KCNMB2: variants seen among roughly 807,000 people sequenced by gnomAD.
KCNMB2 encodes calcium-activated potassium channel subunit beta-2.
Under a neutral mutation model 24.5 loss-of-function variants are expected in KCNMB2, and 9 were observed. The observed-to-expected ratio is 0.37, with a 90% CI of 0.22 to 0.64. The LOEUF (loss-of-function observed/expected upper bound fraction) is 0.64, where lower values mean the gene tolerates loss of function less well. Ranked by LOEUF, KCNMB2 falls within the 30% of genes least tolerant of loss-of-function variation. The probability of loss-of-function intolerance (pLI) is 0.63; values close to 1 mark genes in which losing one functional copy is unlikely to be tolerated. For synonymous variants in KCNMB2, 109 were observed against 104.4 expected (o/e 1.04, Z -0.27); for missense variants, 226 against 284.3 (o/e 0.79, Z 1.47).
chr3:178,707,228 G>A (rs1262180294), intron 1 of KCNMB2, among the ~76,000 whole-genome samples: 1 of 151,924 alleles, frequency 6.6e-6, no homozygotes, highest in Admixed American at 6.6e-5. Flanking sequence ...TGAAACATTG[G>A]GTAAACTAAT....
chr3:178,555,640 T>G (rs774042940), intron 1 of KCNMB2, among the ~76,000 whole-genome samples: 144 of 152,326 alleles, frequency 9.5e-4, no homozygotes, highest in Non-Finnish European at 1.6e-3. Flanking sequence ...TCCACTGTAT[T>G]GCAGTTTGTG....
chr3:178,741,602 G>A (rs1427802964), intron 1 of KCNMB2, among the ~76,000 whole-genome samples: 1 of 152,112 alleles, frequency 6.6e-6, no homozygotes, highest in Admixed American at 6.5e-5. Flanking sequence ...CCTGTAGGCT[G>A]GGGTTAAAAG....
intron 1 of KCNMB2, among the ~76,000 whole-genome samples, chr3:178,600,507 A>G (rs1718040386): frequency 6.6e-6 from 1 of 152,236 alleles, no homozygotes; most frequent in Non-Finnish European, 1.5e-5. Flanking sequence ...AGTAAAAGCT[A>G]TACATTGGAA....
chr3:178,730,192 A>C (rs1365011076), intron 1 of KCNMB2, among the ~76,000 whole-genome samples: 1 of 152,178 alleles, frequency 6.6e-6, no homozygotes, highest in Non-Finnish European at 1.5e-5. Flanking sequence ...CCCTAATAAC[A>C]ATCACATACT....
chr3:178,581,149 G>A (rs935243443), intron 1 of KCNMB2, among the ~76,000 whole-genome samples: 2 of 152,072 alleles, frequency 1.3e-5, no homozygotes, highest in African/African-American at 4.8e-5. Context: ...AAACAGCATG[G>A]TACTGGTACC....
intron 1 of KCNMB2, among the ~76,000 whole-genome samples, chr3:178,545,299 G>A (rs1715739847): frequency 6.6e-6 from 1 of 152,202 alleles, no homozygotes; most frequent in South Asian, 2.1e-4. Flanking sequence ...CACTATGTGT[G>A]TCTGGGAATG....
chr3:178,586,576 C>T (rs1487219624), intron 1 of KCNMB2, among the ~76,000 whole-genome samples: 6 of 104,156 alleles, frequency 5.8e-5, no homozygotes, highest in African/African-American at 2.3e-4. Flanking sequence ...GACAGCGTCT[C>T]GCTCTGTCAC....
intron 1 of KCNMB2, among the ~76,000 whole-genome samples, chr3:178,617,429 G>A (rs1343050382): frequency 6.6e-6 from 1 of 151,852 alleles, no homozygotes; most frequent in Non-Finnish European, 1.5e-5. Context: ...GTGGTGGCAG[G>A]CACCTGTAGT....
chr3:178,688,272 GCTAGT>G (rs1721534243), intron 1 of KCNMB2, among the ~76,000 whole-genome samples: 1 of 152,086 alleles, frequency 6.6e-6, no homozygotes, highest in African/African-American at 2.4e-5. Flanking sequence ...AAAAAATAAA[GCTAGT>G]GATAGCAGTT....
intron 4 of KCNMB2, among the ~76,000 whole-genome samples, chr3:178,841,296 A>G (rs749944868): frequency 6.6e-6 from 1 of 152,134 alleles, no homozygotes; most frequent in Non-Finnish European, 1.5e-5. Context: ...TTTGCTCAAA[A>G]CCATTCAACA....
intron 4 of KCNMB2, among the ~76,000 whole-genome samples, chr3:178,840,962 C>A (rs144584101): frequency 1.4e-4 from 22 of 152,360 alleles, no homozygotes; most frequent in African/African-American, 4.1e-4. Flanking sequence ...CATGGTCAGG[C>A]TGCACATTTT....
At chr3:178,817,348 A>G (rs913423401) in intron 2 of KCNMB2, among the ~76,000 whole-genome samples, 4 of 152,058 alleles carry the variant, frequency 2.6e-5, no homozygotes, top group Non-Finnish European at 5.9e-5. Context: ...ACCATAAAAT[A>G]TATACCTACC....
At chr3:178,655,910 TC>T (rs1301034972) in intron 1 of KCNMB2, among the ~76,000 whole-genome samples, 1 of 152,190 alleles carries the variant, frequency 6.6e-6, no homozygotes, top group Non-Finnish European at 1.5e-5. Flanking sequence ...GAGATCTGTA[TC>T]ACAGTAACTA....
At chr3:178,762,946 T>C (rs1349129269) in intron 1 of KCNMB2, among the ~76,000 whole-genome samples, 2 of 151,724 alleles carry the variant, frequency 1.3e-5, no homozygotes, top group Non-Finnish European at 1.5e-5. Flanking sequence ...ACATAAATAG[T>C]GTCAGGCAGA....
At chr3:178,792,719 G>A (rs1286208185) in intron 1 of KCNMB2, among the ~76,000 whole-genome samples, 1 of 152,118 alleles carries the variant, frequency 6.6e-6, no homozygotes, top group African/African-American at 2.4e-5. Flanking sequence ...ACAAAGGAGT[G>A]GAAAAAGATA....
chr3:178,820,042 T>C (rs1391707078), intron 2 of KCNMB2, among the ~76,000 whole-genome samples: 1 of 152,206 alleles, frequency 6.6e-6, no homozygotes, highest in African/African-American at 2.4e-5. Context: ...AAATACACTT[T>C]ATGATTGAAC....
chr3:178,566,043 T>C lies in KCNMB2; in HGVS notation c.-68+29332T>C, dbSNP rs529016539. On this transcript the variant is annotated intron_variant, in intron 1 of 4. Coordinates refer to ENST00000452583, the MANE Select transcript of KCNMB2 (RefSeq NM_181361.3). ...GGCAGATTCTTACTGGCAAGGGGAA[T>C]ATCATGAGAATAAACTGAAGCACCC... 5.1e-4 allele frequency among the ~76,000 whole-genome samples: 77 copies of C among 152,288 alleles called. 1 individual carries two copies. The highest frequency in any genetic ancestry group is 1.6e-3 in the African/African-American group (67 of 41,560).
At position 178,781,812 on chromosome 3, in the gene KCNMB2, T is replaced by A. The variant is rs538933380; in HGVS notation, c.-67-25531T>A. ...TTTTTTTTCTTTTTTTATTATACTT[T>A]AAGTTTTAGGGTACATGTGCACATA... On this transcript the variant is annotated intron_variant, in intron 1 of 4. Coordinates refer to ENST00000452583, the MANE Select transcript of KCNMB2 (RefSeq NM_181361.3). 2.8e-4 allele frequency among the ~76,000 whole-genome samples: 42 copies of A among 151,558 alleles called. 1 individual carries two copies. Among genetic ancestry groups the A allele is most frequent in the African/African-American group, 1.0e-3 (42 of 41,316 alleles).
intron 1 of KCNMB2, among the ~76,000 whole-genome samples, chr3:178,733,876 T>C (rs1043585319): frequency 3.9e-5 from 6 of 152,160 alleles, no homozygotes; most frequent in Admixed American, 3.3e-4. Flanking sequence ...AAGAACATTG[T>C]AGTAATGCAA....
Sources: allele counts gnomAD v4.1 joint callset (sites outside exome capture counted in the v4.1 genomes callset), GRCh38; gene constraint gnomAD v4.1.1; transcripts MANE v1.5; gene names NCBI Gene and HGNC (gene_info 2026-07-23, HGNC 2026-07-21).